The following RBM47 variants were observed in gnomAD, a reference collection of about 807,000 sequenced individuals.
RBM47 encodes RNA binding motif protein 47.
In RBM47, 21 loss-of-function variants were observed where a neutral mutation model predicts 47.1. The ratio of observed to expected loss-of-function variants is 0.45; its 90% confidence interval spans 0.32 to 0.64. The LOEUF (loss-of-function observed/expected upper bound fraction) is 0.64. Among genes scored for constraint, RBM47 ranks in the 30% least tolerant of loss-of-function variants. The pLI, the probability that RBM47 is intolerant of heterozygous loss-of-function variation, is 0.05. For synonymous variants in RBM47, 375 were observed against 361.7 expected (o/e 1.04, Z -0.42); for missense variants, 708 against 870.9 (o/e 0.81, Z 2.35).
chr4:40,444,068 G>A (rs554279552), intron 3 of RBM47, among the ~76,000 whole-genome samples: 14 of 152,190 alleles, frequency 9.2e-5, no homozygotes, highest in African/African-American at 3.1e-4. Context: ...GCATGGTGGT[G>A]TGTGCCTGTA....
At chr4:40,532,072 G>A (rs1179705934) in intron 2 of RBM47, among the ~76,000 whole-genome samples, 1 of 146,926 alleles carries the variant, frequency 6.8e-6, no homozygotes. Flanking sequence ...GTGCAGTGGC[G>A]CAGTCTCAGT....
chr4:40,526,524 T>G (rs1254864789), intron 2 of RBM47, among the ~76,000 whole-genome samples: 1 of 152,170 alleles, frequency 6.6e-6, no homozygotes, highest in Non-Finnish European at 1.5e-5. Flanking sequence ...ATGTGTTTTC[T>G]GTTACATATT....
intron 2 of RBM47, among the ~76,000 whole-genome samples, chr4:40,528,102 C>T (rs957553351): frequency 4.6e-5 from 7 of 152,118 alleles, no homozygotes; most frequent in African/African-American, 7.2e-5. Flanking sequence ...TAAATGTAAG[C>T]GAAGATTACT....
At chr4:40,488,639 G>A (rs943492042) in intron 2 of RBM47, among the ~76,000 whole-genome samples, 1 of 152,132 alleles carries the variant, frequency 6.6e-6, no homozygotes, top group Non-Finnish European at 1.5e-5. Flanking sequence ...AGCAAATGCA[G>A]GTGAGGTCCA....
intron 2 of RBM47, among the ~76,000 whole-genome samples, chr4:40,515,345 C>T (rs1049395704): frequency 8.0e-5 from 12 of 149,828 alleles, no homozygotes; most frequent in Non-Finnish European, 1.5e-4. Context: ...GCAAGCAGCA[C>T]GCACTCATCG....
At chr4:40,502,623 T>C (rs564127982) in intron 2 of RBM47, among the ~76,000 whole-genome samples, 12 of 152,252 alleles carry the variant, frequency 7.9e-5, no homozygotes, top group African/African-American at 2.4e-4. Flanking sequence ...GGCAGGAAGA[T>C]TGCTTGAGCC....
At chr4:40,545,666 A>AAAATATAT (rs1553899565) in intron 1 of RBM47, among the ~76,000 whole-genome samples, 3 of 133,606 alleles carry the variant, frequency 2.2e-5, no homozygotes, top group Non-Finnish European at 3.2e-5. Context: ...CTCCTTCTCA[A>AAAATATAT]AAATAAATAA....
intron 1 of RBM47, among the ~76,000 whole-genome samples, chr4:40,593,622 T>C (rs901877699): frequency 6.6e-6 from 1 of 152,072 alleles, no homozygotes; most frequent in Non-Finnish European, 1.5e-5. Context: ...GGCTCACGCC[T>C]GTAATCCCAG....
chr4:40,562,419 G>A (rs1320520147), intron 1 of RBM47, among the ~76,000 whole-genome samples: 2 of 151,630 alleles, frequency 1.3e-5, no homozygotes, highest in Admixed American at 6.6e-5. Context: ...AAGGAGGCGG[G>A]TGTCATTACA....
intron 1 of RBM47, among the ~76,000 whole-genome samples, chr4:40,612,998 T>C (rs1346864732): frequency 1.3e-5 from 2 of 152,210 alleles, no homozygotes; most frequent in East Asian, 3.8e-4. Context: ...ACATCAAATA[T>C]TGACTAAAAG....
intron 3 of RBM47, among the ~76,000 whole-genome samples, chr4:40,462,195 C>A (rs1043622641): frequency 6.6e-6 from 1 of 152,128 alleles, no homozygotes; most frequent in Non-Finnish European, 1.5e-5. Flanking sequence ...TCAATATTCT[C>A]CAAGGGAAGT....
At position 40,490,009 on chromosome 4, in the gene RBM47, A is replaced by C. The variant is rs73145553; in HGVS notation, c.-154-23310T>G. 3.8e-3 allele frequency among the ~76,000 whole-genome samples: 573 copies of C among 152,372 alleles called. 3 individuals carry two copies. Among genetic ancestry groups the C allele is most frequent in the African/African-American group, 0.013 (538 of 41,592 alleles). On this transcript the variant is annotated intron_variant, in intron 2 of 6. Transcript: ENST00000295971. ...TGAAAATCAATCAGTGCAATACACC[A>C]TATCAACAAAAGACAAAAACTATAC...
At chr4:40,532,459 T>C (rs1489064325) in intron 2 of RBM47, among the ~76,000 whole-genome samples, 2 of 151,062 alleles carry the variant, frequency 1.3e-5, no homozygotes, top group Non-Finnish European at 2.9e-5. Flanking sequence ...ACTACAGGCA[T>C]GTGCCACCAC....
intron 1 of RBM47, among the ~76,000 whole-genome samples, chr4:40,555,279 C>A (rs1384065984): frequency 6.6e-6 from 1 of 152,192 alleles, no homozygotes; most frequent in African/African-American, 2.4e-5. Flanking sequence ...TGTTGCCCAG[C>A]TGGTCTCAAA....
intron 1 of RBM47, among the ~76,000 whole-genome samples, chr4:40,601,988 G>A (rs1735323273): frequency 6.6e-6 from 1 of 152,096 alleles, no homozygotes; most frequent in South Asian, 2.1e-4. Context: ...GGCCAACATG[G>A]TGAAACTCTG....
chr4:40,535,630 G>A lies in RBM47; in HGVS notation c.-155+8792C>T, dbSNP rs535580669. Among the ~76,000 whole-genome samples, 37 of 150,254 alleles carry A rather than the reference G, an allele frequency of 2.5e-4. 1 individual carries two copies. The highest frequency in any genetic ancestry group is 8.1e-4 in the African/African-American group (33 of 40,904). On this transcript the variant is annotated intron_variant, in intron 2 of 6. Transcript: ENST00000295971. ...GGCTGGAGTGCAGTGGCGAGATCTC[G>A]GCTCACTGCAACCTCCACCTCCCGG...
chr4:40,570,291 A>G (rs1237757110), intron 1 of RBM47, among the ~76,000 whole-genome samples: 1 of 151,932 alleles, frequency 6.6e-6, no homozygotes, highest in Non-Finnish European at 1.5e-5. Context: ...ACCACAATGT[A>G]GAATCAGTGG....
At chr4:40,555,717 G>A (rs1033597313) in intron 1 of RBM47, among the ~76,000 whole-genome samples, 1 of 152,214 alleles carries the variant, frequency 6.6e-6, no homozygotes, top group Non-Finnish European at 1.5e-5. Flanking sequence ...ACATCATCCT[G>A]CCTCTCTCAT....
chr4:40,493,224 C>T (rs1288233144), intron 2 of RBM47, among the ~76,000 whole-genome samples: 1 of 152,144 alleles, frequency 6.6e-6, no homozygotes, highest in Non-Finnish European at 1.5e-5. Flanking sequence ...CACATGTAGA[C>T]TGTCATTGAA....
Sources: allele counts gnomAD v4.1 joint callset (sites outside exome capture counted in the v4.1 genomes callset), GRCh38; gene constraint gnomAD v4.1.1; transcripts MANE v1.5; gene names NCBI Gene and HGNC (gene_info 2026-07-23, HGNC 2026-07-21).